JARID2: variants seen among roughly 807,000 people sequenced by gnomAD.
JARID2 encodes jumonji and AT-rich interaction domain containing 2.
Under a neutral mutation model 125.6 loss-of-function variants are expected in JARID2, and 21 were observed. That is an observed-to-expected ratio of 0.17 (90% CI 0.12 to 0.24). JARID2 has a LOEUF of 0.24. Ranked by LOEUF, JARID2 falls within the 10% of genes least tolerant of loss-of-function variation. The pLI, the probability that JARID2 is intolerant of heterozygous loss-of-function variation, is 1.00. For synonymous variants in JARID2, 736 were observed against 661.6 expected, an observed-to-expected ratio of 1.11 and a Z score of -1.73; for missense variants, 1,303 against 1,639.6, an observed-to-expected ratio of 0.79 and a Z score of 3.55.
At chr6:15,453,843 C>A (rs991705525) in intron 4 of JARID2, among the ~76,000 whole-genome samples, 11 of 152,096 alleles carry the variant, frequency 7.2e-5, no homozygotes, top group Admixed American at 2.6e-4. Context: ...TACTTTCCCG[C>A]CCTCAGTCCT....
At position 15,501,423 on chromosome 6, in the gene JARID2, C is replaced by A; in HGVS notation, c.2448+14C>A. 1 of 1,518,270 alleles carries A rather than the reference C, an allele frequency of 6.6e-7. No individual in the cohort carries two copies. Among genetic ancestry groups the A allele is most frequent in the Non-Finnish European group, 8.8e-7 (1 of 1,136,436 alleles). The allele number at this position is 1,518,270 out of a possible 1,614,324, so 94.0% of individuals were successfully genotyped here. ...TGCATCTATAAGGTAGGGGCCTCCG[C>A]AGAGCAGCCACTCCCAGCTGCAGGA... is the stretch of plus-strand genomic sequence containing the variant. On this transcript the variant is annotated intron_variant, in intron 8 of 17. Coordinates refer to ENST00000341776, the MANE Select transcript of JARID2 (RefSeq NM_004973.4).
At chr6:15,408,778 C>T (rs1395300914) in intron 2 of JARID2, among the ~76,000 whole-genome samples, 2 of 152,202 alleles carry the variant, frequency 1.3e-5, no homozygotes, top group African/African-American at 4.8e-5. Context: ...TGACTAGTGG[C>T]TACTGTAATG....
intron 6 of JARID2, among the ~76,000 whole-genome samples, chr6:15,494,283 A>G (rs1326331735): frequency 6.6e-6 from 1 of 152,166 alleles, no homozygotes; most frequent in Non-Finnish European, 1.5e-5. Flanking sequence ...GGACTTGGTT[A>G]GAAATGCACA....
chr6:15,410,123 T>C, intron 2 of JARID2, 101 bp from the exon 3 acceptor site: 2 of 1,100,714 alleles, frequency 1.8e-6, no homozygotes, highest in Non-Finnish European at 2.6e-6. Flanking sequence ...TCTATCCACA[T>C]TCTTGTCTGT....
intron 1 of JARID2, among the ~76,000 whole-genome samples, chr6:15,325,667 T>C (rs1762513072): frequency 6.6e-6 from 1 of 152,202 alleles, no homozygotes; most frequent in Non-Finnish European, 1.5e-5. Context: ...CGCCATAGAC[T>C]TTGCTCCATC....
At chr6:15,511,146 G>A (rs1581666790) in intron 12 of JARID2, 150 bp from the exon 13 acceptor site, 3 of 648,180 alleles carry the variant, frequency 4.6e-6, no homozygotes, top group African/African-American at 3.6e-5. Flanking sequence ...GCAGTGACCA[G>A]GCACCCAGCC....
At chr6:15,298,231 G>T (rs1462991749) in intron 1 of JARID2, among the ~76,000 whole-genome samples, 1 of 152,158 alleles carries the variant, frequency 6.6e-6, no homozygotes, top group Non-Finnish European at 1.5e-5. Flanking sequence ...TCTGGATTCC[G>T]CTCTCCTATG....
In JARID2 at chr6:15,402,774, C is replaced by T. The variant is rs547993562; in HGVS notation, c.182-7450C>T. Among the ~76,000 whole-genome samples, 6 of 152,138 alleles carry T rather than the reference C, an allele frequency of 3.9e-5. No homozygotes were observed. The South Asian group carries it at 1.2e-3, about 32-fold the overall frequency. On this transcript the variant is annotated intron_variant, in intron 2 of 17. Coordinates refer to ENST00000341776, the MANE Select transcript of JARID2 (RefSeq NM_004973.4). Reference sequence around the variant, plus strand: ...AATTCTTTTCATGAGCTGATAGAAGCTCGAGTTGCATATCCTAGGGGATTC... The same window carrying T: ...AATTCTTTTCATGAGCTGATAGAAGTTCGAGTTGCATATCCTAGGGGATTC...
intron 6 of JARID2, among the ~76,000 whole-genome samples, chr6:15,493,559 A>G (rs1172198217): frequency 6.6e-6 from 1 of 152,110 alleles, no homozygotes; most frequent in Non-Finnish European, 1.5e-5. Flanking sequence ...TACAGGTTAA[A>G]AGGAGATTGA....
intron 3 of JARID2, among the ~76,000 whole-genome samples, chr6:15,448,320 T>A (rs957925499): frequency 1.6e-4 from 24 of 152,132 alleles, no homozygotes; most frequent in Admixed American, 2.6e-4. Context: ...GTAGGAGCAG[T>A]TTATCTTTGA....
At chr6:15,262,729 G>A (rs1388635979) in intron 1 of JARID2, among the ~76,000 whole-genome samples, 3 of 151,858 alleles carry the variant, frequency 2.0e-5, no homozygotes, top group African/African-American at 7.3e-5. Context: ...GTAGAGACGG[G>A]GTTTCACCAC....
intron 1 of JARID2, among the ~76,000 whole-genome samples, chr6:15,285,537 T>C (rs982573268): frequency 6.6e-6 from 1 of 152,088 alleles, no homozygotes; most frequent in Non-Finnish European, 1.5e-5. Flanking sequence ...TAGAATGACT[T>C]AAAAATGACA....
Position 15,513,311 on chromosome 6 carries a change from C to A in JARID2, c.3339C>A (p.His1113Gln), listed in dbSNP as rs200784767. The A allele has an allele frequency of 6.2e-7, 1 of 1,607,766 alleles. No homozygotes were observed. Among genetic ancestry groups the A allele is most frequent in the East Asian group, 2.2e-5 (1 of 44,620 alleles). The change falls in exon 16 of 18, where the codon CAC becomes CAA. Residue 1113 changes from histidine (H) to glutamine (Q), a missense_variant. His to Gln is a conservative substitution (Grantham distance 24). Coordinates refer to ENST00000341776, the MANE Select transcript of JARID2 (RefSeq NM_004973.4). ...GLHSSARYGS[H>Q]DGSSTVADGK... ...ACTCCTCCGCACGCTATGGCAGCCA[C>A]GATGGCAGCAGCACGGTGGCGGACG...
chr6:15,487,644 G>A (rs1769944370), intron 6 of JARID2, 102 bp downstream of exon 6: 6 of 1,049,864 alleles, frequency 5.7e-6, no homozygotes, highest in Non-Finnish European at 6.8e-6. Flanking sequence ...GAAGCAGGAG[G>A]TGATGCCCAG....
intron 1 of JARID2, among the ~76,000 whole-genome samples, chr6:15,300,722 T>TGAGAGA (rs57766040): frequency 1.3e-3 from 145 of 111,198 alleles, no homozygotes; most frequent in African/African-American, 2.7e-3. Context: ...TGTGTGTGTG[T>TGAGAGA]GAGAGAGAGA....
intron 1 of JARID2, among the ~76,000 whole-genome samples, chr6:15,325,207 T>G (rs1432460483): frequency 2.0e-5 from 3 of 152,312 alleles, no homozygotes; most frequent in Non-Finnish European, 4.4e-5. Flanking sequence ...GGGAATTGTG[T>G]TGTTGTTAAT....
chr6:15,283,538 T>TTCA (rs1760866011), intron 1 of JARID2, among the ~76,000 whole-genome samples: 1 of 149,188 alleles, frequency 6.7e-6, no homozygotes, highest in Non-Finnish European at 1.5e-5. Flanking sequence ...GAGACGGGAT[T>TTCA]TCACCGTGTT....
intron 1 of JARID2, among the ~76,000 whole-genome samples, chr6:15,274,237 C>T (rs938028798): frequency 5.9e-5 from 9 of 152,056 alleles, no homozygotes; most frequent in Non-Finnish European, 1.2e-4. Flanking sequence ...GCCTGCTTCT[C>T]TATCTTTGAA....
chr6:15,290,652 G>A (rs555303760), intron 1 of JARID2, among the ~76,000 whole-genome samples: 6 of 152,084 alleles, frequency 3.9e-5, no homozygotes, highest in South Asian at 4.2e-4. Flanking sequence ...AGTGCCTTGC[G>A]CTGTCACCCA....
Sources: allele counts gnomAD v4.1 joint callset (sites outside exome capture counted in the v4.1 genomes callset), GRCh38; gene constraint gnomAD v4.1.1; transcripts MANE v1.5; gene names NCBI Gene and HGNC (gene_info 2026-07-23, HGNC 2026-07-21).